DLG2: variants seen among roughly 807,000 people sequenced by gnomAD.
DLG2 encodes discs large MAGUK scaffold protein 2, also known as disks large homolog 2.
In DLG2, 45 loss-of-function variants were observed where a neutral mutation model predicts 132.5. The ratio of observed to expected loss-of-function variants is 0.34; its 90% confidence interval spans 0.27 to 0.44. The LOEUF (loss-of-function observed/expected upper bound fraction) is 0.44, where lower values mean the gene tolerates loss of function less well. DLG2 is among the 20% of genes least tolerant of loss of function. The pLI is 1.00. For missense variants in DLG2, 1,045 were observed against 1,196.9 expected (o/e 0.87, Z 1.87); for synonymous variants, 424 against 419.6 (o/e 1.01, Z -0.13).
At chr11:84,539,748 A>C in intron 6 of DLG2, among the ~76,000 whole-genome samples, 1 of 152,196 alleles carries the variant, frequency 6.6e-6, no homozygotes, top group East Asian at 1.9e-4. Context: ...CACATTGCCA[A>C]GACAATCCTA....
chr11:85,073,666 G>A (rs2066156589), intron 6 of DLG2, among the ~76,000 whole-genome samples: 1 of 151,798 alleles, frequency 6.6e-6, no homozygotes, highest in Non-Finnish European at 1.5e-5. Flanking sequence ...ATTAGATTAA[G>A]TCTTTCTGTC....
chr11:84,355,388 A>T (rs1013725790), intron 7 of DLG2, among the ~76,000 whole-genome samples: 1 of 151,992 alleles, frequency 6.6e-6, no homozygotes, highest in Admixed American at 6.6e-5. Context: ...AGGTGACTGG[A>T]TCATGAGGGT....
At position 84,792,507 on chromosome 11, in the gene DLG2, C is replaced by T. The variant is rs563390943; in HGVS notation, c.358-257776G>A. 2.0e-5 allele frequency among the ~76,000 whole-genome samples: 3 copies of T among 152,012 alleles called. No homozygotes were observed. In the South Asian group the frequency reaches 6.2e-4, roughly 31 times the overall value. ...AATACTTTGAGTAGAATTGGTATTA[C>T]TTCTTTAAATCTTGGTAGAATTAAG... On this transcript the variant is annotated intron_variant, in intron 6 of 27. Coordinates refer to ENST00000376104, the MANE Select transcript of DLG2 (RefSeq NM_001142699.3).
At chr11:83,698,176 G>T (rs946305446) in intron 18 of DLG2, among the ~76,000 whole-genome samples, 8 of 152,196 alleles carry the variant, frequency 5.3e-5, no homozygotes, top group African/African-American at 1.9e-4. Context: ...TTAGTACAGT[G>T]CCTGGCATAT....
At chr11:85,128,052 C>T (rs1594633075) in intron 5 of DLG2, among the ~76,000 whole-genome samples, 1 of 152,098 alleles carries the variant, frequency 6.6e-6, no homozygotes, top group South Asian at 2.1e-4. Context: ...GTATTAACTA[C>T]ATCAAGAAAA....
intron 6 of DLG2, among the ~76,000 whole-genome samples, chr11:85,022,099 A>G (rs1032102344): frequency 5.9e-5 from 9 of 152,024 alleles, no homozygotes; most frequent in African/African-American, 1.9e-4. Flanking sequence ...GGAATGTAAT[A>G]TATTATATTT....
intron 7 of DLG2, among the ~76,000 whole-genome samples, chr11:84,526,980 G>C (rs539434827): frequency 3.3e-5 from 5 of 151,904 alleles, no homozygotes; most frequent in Admixed American, 1.3e-4. Context: ...GGGTTTCACC[G>C]TTTTAGCCGG....
intron 3 of DLG2, among the ~76,000 whole-genome samples, chr11:85,347,967 CTTTTTTTTTTT>C (rs35083224): frequency 2.5e-5 from 1 of 40,364 alleles, no homozygotes; most frequent in Non-Finnish European, 4.5e-5. Flanking sequence ...CCACACTTAA[CTTTTTTTTTTT>C]TTTTTTTTTT....
At chr11:83,866,694 C>A (rs977577782) in intron 16 of DLG2, among the ~76,000 whole-genome samples, 6 of 152,090 alleles carry the variant, frequency 3.9e-5, no homozygotes, top group African/African-American at 1.4e-4. Flanking sequence ...GGAAGATATA[C>A]ACGGTATGAT....
intron 8 of DLG2, among the ~76,000 whole-genome samples, chr11:84,225,801 CTTT>C (rs563183713): frequency 6.9e-6 from 1 of 144,556 alleles, no homozygotes. Context: ...TTTCTTTTGT[CTTT>C]TTTTTTTTTT....
At chr11:84,352,249 T>C (rs1207949130) in intron 7 of DLG2, among the ~76,000 whole-genome samples, 1 of 152,182 alleles carries the variant, frequency 6.6e-6, no homozygotes, top group Non-Finnish European at 1.5e-5. Context: ...ATTTCCATTA[T>C]AGCTCTACCA....
chr11:85,484,474 G>C (rs1184556821), intron 3 of DLG2, among the ~76,000 whole-genome samples: 1 of 150,576 alleles, frequency 6.6e-6, no homozygotes, highest in African/African-American at 2.5e-5. Flanking sequence ...CTAATATCCA[G>C]AATCTACAAT....
chr11:84,769,961 T>C (rs1358897118), intron 6 of DLG2, among the ~76,000 whole-genome samples: 1 of 152,166 alleles, frequency 6.6e-6, no homozygotes, highest in Admixed American at 6.5e-5. Flanking sequence ...TTATAAGAGA[T>C]CTCGGTATAG....
chr11:83,958,309 A>C (rs1404680176), intron 14 of DLG2, among the ~76,000 whole-genome samples: 3 of 152,176 alleles, frequency 2.0e-5, no homozygotes, highest in Non-Finnish European at 4.4e-5. Flanking sequence ...CAAACTGGTG[A>C]ATATTAGAGT....
At chr11:85,191,402 C>A (rs1238118128) in intron 4 of DLG2, among the ~76,000 whole-genome samples, 2 of 152,098 alleles carry the variant, frequency 1.3e-5, no homozygotes, top group African/African-American at 4.8e-5. Flanking sequence ...CCAACACACA[C>A]ACACACGTTG....
chr11:84,218,897 A>C (rs2154321801), intron 8 of DLG2, among the ~76,000 whole-genome samples: 1 of 152,336 alleles, frequency 6.6e-6, no homozygotes, highest in Non-Finnish European at 1.5e-5. Flanking sequence ...ATAGGGCCAA[A>C]GCTGATAAAC....
intron 18 of DLG2, among the ~76,000 whole-genome samples, chr11:83,638,147 G>T (rs117679964): frequency 6.6e-6 from 1 of 152,084 alleles, no homozygotes; most frequent in Non-Finnish European, 1.5e-5. Context: ...CCCCCAGCTA[G>T]TTCTTTCTCC....
chr11:85,071,694 C>T (rs1220538964), intron 6 of DLG2, among the ~76,000 whole-genome samples: 1 of 151,576 alleles, frequency 6.6e-6, no homozygotes, highest in African/African-American at 2.4e-5. Flanking sequence ...TAAACTGATC[C>T]TTGTATCTTG....
At position 85,276,681 on chromosome 11, in the gene DLG2, C is replaced by T. The variant is rs192326379; in HGVS notation, c.186+8539G>A. The stretch of plus-strand genomic sequence containing the variant: ...CTAAGCATCTTTTCACTGGGTCAAC[C>T]AGGAAATTTTAATTCATGTTTCTAG... On this transcript the variant is annotated intron_variant, in intron 4 of 27. Coordinates refer to ENST00000376104, the MANE Select transcript of DLG2 (RefSeq NM_001142699.3). Among the ~76,000 whole-genome samples the T allele has an allele frequency of 2.3e-3, 356 of 152,206 alleles. 3 individuals carry two copies. The highest frequency in any genetic ancestry group is 8.2e-3 in the African/African-American group (341 of 41,542).
Sources: gnomAD v4.1 joint callset for allele counts (sites outside exome capture counted in the v4.1 genomes callset) on GRCh38, gnomAD v4.1.1 for gene constraint, MANE v1.5 for transcripts, NCBI Gene and HGNC (gene_info 2026-07-23, HGNC 2026-07-21) for gene names.